CACNA1B: variants seen among roughly 807,000 people sequenced by gnomAD.
CACNA1B encodes the protein calcium voltage-gated channel subunit alpha1 B.
CACNA1B carries 70 observed loss-of-function variants against 247.2 expected under a neutral mutation model. The ratio of observed to expected loss-of-function variants is 0.28; its 90% confidence interval spans 0.23 to 0.35. The LOEUF is 0.35. CACNA1B is among the 10% of genes least tolerant of loss of function. CACNA1B has a pLI of 1.00. For missense variants in CACNA1B, 2,367 were observed against 3,197.4 expected, an observed-to-expected ratio of 0.74 and a Z score of 6.26; for synonymous variants, 1,231 against 1,294.4, an observed-to-expected ratio of 0.95 and a Z score of 1.05.
Position 138,057,672 on chromosome 9 carries a change from A to G in CACNA1B, c.3969-60A>G. 6.5e-7 allele frequency: 1 copy of G among 1,528,780 alleles called. No homozygotes were observed. The highest frequency in any genetic ancestry group is 1.2e-5 in the South Asian group (1 of 82,102). The allele number at this position is 1,528,780 out of a possible 1,614,324, so 94.7% of individuals were successfully genotyped here. On this transcript the variant is annotated intron_variant, in intron 26 of 46. Coordinates refer to ENST00000371372, the MANE Select transcript of CACNA1B (RefSeq NM_000718.4). This position sits in a 1 kb window ranked among gnomAD's most constrained non-coding sequence, Gnocchi z 4.0. ...ACGGAATGGTTTCAACACTCTTGAT[A>G]GGTGGGTTTATTTGGATCTTTTGTC...
rs1027475634 is a variant in CACNA1B, at chr9:138,072,399, G to T, written c.4675-1089G>T. Among the ~76,000 whole-genome samples the T allele has an allele frequency of 1.3e-5, 2 of 152,208 alleles. 1 individual carries two copies. Among genetic ancestry groups the T allele is most frequent in the Admixed American group, 1.3e-4 (2 of 15,288 alleles). On this transcript the variant is annotated intron_variant, in intron 32 of 46. Transcript: ENST00000371372. The surrounding 1 kb of genome is among the most constrained non-coding windows in gnomAD (Gnocchi z 4.5). ...CACCTAACGGTAGCCCTGGAGAGTC[G>T]GGATGCTCTGCCAGGCCCTCACCGC... is the stretch of plus-strand genomic sequence containing the variant.
chr9:138,097,158 T>G (rs1024818013), intron 37 of CACNA1B, among the ~76,000 whole-genome samples: 1 of 151,960 alleles, frequency 6.6e-6, no homozygotes, highest in Non-Finnish European at 1.5e-5. Flanking sequence ...ATAGTGTGGG[T>G]GCTTGGTGAA....
intron 15 of CACNA1B, among the ~76,000 whole-genome samples, chr9:138,002,773 CTCTTTTCTTTTCTTTTCTTTTT>C (rs1453696647): frequency 1.2e-3 from 186 of 151,652 alleles, no homozygotes; most frequent in African/African-American, 4.1e-3. Context: ...GAAATTTCTT[CTCTTTTCTTTTCTTTTCTTTTT>C]TCTTTTCTTT....
chr9:137,878,981 A>T (rs998729664), intron 1 of CACNA1B, 73 bp from the exon 2 acceptor site: 1 of 932,006 alleles, frequency 1.1e-6, no homozygotes, highest in East Asian at 2.6e-5. Flanking sequence ...TGGCTGCTGC[A>T]CTGGGCTCTG....
intron 6 of CACNA1B, among the ~76,000 whole-genome samples, chr9:137,924,393 C>T (rs1226172840): frequency 6.6e-6 from 1 of 151,324 alleles, no homozygotes; most frequent in African/African-American, 2.4e-5. Context: ...CCTTCCCTCC[C>T]TCCCTTCCTT....
At chr9:137,916,654 G>T (rs533559300) in intron 5 of CACNA1B, among the ~76,000 whole-genome samples, 1 of 152,368 alleles carries the variant, frequency 6.6e-6, no homozygotes, top group East Asian at 1.9e-4. Flanking sequence ...CTGGCCAAGG[G>T]CCTCAAGTTA....
At position 138,052,103 on chromosome 9, in the gene CACNA1B, G is replaced by T; in HGVS notation, c.3722G>T (p.Gly1241Val). 6.2e-7 allele frequency: 1 copy of T among 1,606,256 alleles called. No homozygotes were observed. The highest frequency in any genetic ancestry group is 1.1e-5 in the South Asian group (1 of 90,650). Residue 1241 changes from glycine (G) to valine (V), a missense_variant, in exon 25 of 47, where the codon GGG becomes GTG. Gly to Val is a moderately radical substitution (Grantham distance 109, BLOSUM62 -3). This residue lies in a region of CACNA1B where 436 missense variants were observed against 679.5 expected (regional missense o/e 0.64). Transcript: ENST00000371372. This position sits in a 1 kb window ranked among gnomAD's most constrained non-coding sequence, Gnocchi z 5.1. ...LVAFAFSGSK[G>V]KDINTIKSLR... ...CTTCTCCCTTCTAGAGGATCCAAAG[G>T]GAAAGACATCAATACCATCAAGTCT...
At position 138,058,224 on chromosome 9, in the gene CACNA1B, T is replaced by A; in HGVS notation, c.4282T>A (p.Ser1428Thr). ...CCAGGAGCAGGGGGACAAGGTGATGTCTGAATGCAGCCTGGAGAAGAACGA... is the reference window on the plus strand; with the variant it reads ...CCAGGAGCAGGGGGACAAGGTGATGACTGAATGCAGCCTGGAGAAGAACGA... ...TFQEQGDKVM[S>T]ECSLEKNERA... Residue 1428 changes from serine to threonine, a missense_variant, in exon 28 of 47, where the codon TCT (serine) becomes ACT (threonine). Physicochemically the swap from Ser to Thr is moderately conservative, Grantham distance 58. This residue lies in a region of CACNA1B where 436 missense variants were observed against 679.5 expected (regional missense o/e 0.64). Coordinates refer to ENST00000371372, the MANE Select transcript of CACNA1B (RefSeq NM_000718.4). The surrounding 1 kb of genome is among the most constrained non-coding windows in gnomAD (Gnocchi z 4.7). 1 of 1,613,868 alleles carries A rather than the reference T, an allele frequency of 6.2e-7. No homozygotes were observed. Among genetic ancestry groups the A allele is most frequent in the Middle Eastern group, 1.6e-4 (1 of 6,062 alleles).
At chr9:138,107,821 C>T (rs1961483814) in intron 39 of CACNA1B, among the ~76,000 whole-genome samples, 1 of 152,002 alleles carries the variant, frequency 6.6e-6, no homozygotes, top group Non-Finnish European at 1.5e-5. Flanking sequence ...CCCGTCTCTA[C>T]TAAAATACAA....
rs1959113151 is a variant in CACNA1B, at chr9:138,040,955, GTTT to G, written c.3287-2817_3287-2815del. ...AGAAAATGAATTAACAACGTTTTCA[GTTT>G]TCTCAAGGATGGAACATAGCTTGTA... is the stretch of plus-strand genomic sequence containing the variant. On this transcript the variant is annotated intron_variant, in intron 20 of 46. Coordinates refer to ENST00000371372, the MANE Select transcript of CACNA1B (RefSeq NM_000718.4). 2.0e-5 allele frequency among the ~76,000 whole-genome samples: 3 copies of G among 152,298 alleles called. No individual in the cohort carries two copies. In the South Asian group the frequency reaches 6.2e-4, roughly 32 times the overall value.
chr9:138,107,860 C>T (rs562990230), intron 39 of CACNA1B, among the ~76,000 whole-genome samples: 9 of 152,148 alleles, frequency 5.9e-5, no homozygotes, highest in Non-Finnish European at 1.2e-4. Flanking sequence ...TGGCGGGCGC[C>T]TGTAGTCCCA....
chr9:137,987,390 A>G (rs530769561), intron 15 of CACNA1B, among the ~76,000 whole-genome samples: 1 of 152,126 alleles, frequency 6.6e-6, no homozygotes, highest in Admixed American at 6.5e-5. Context: ...CCTTTCGAGG[A>G]CTTTCTTGGT....
chr9:138,099,208 G>T (rs1961160674), intron 37 of CACNA1B, among the ~76,000 whole-genome samples: 1 of 152,258 alleles, frequency 6.6e-6, no homozygotes, highest in African/African-American at 2.4e-5. Flanking sequence ...TGCACTCTGT[G>T]CATGTGTACA....
intron 37 of CACNA1B, among the ~76,000 whole-genome samples, chr9:138,101,604 G>A (rs577476645): frequency 6.6e-6 from 1 of 152,384 alleles, no homozygotes; most frequent in African/African-American, 2.4e-5. Context: ...CGTCCTCTGG[G>A]TTGGAAGAGC....
At chr9:137,890,478 C>T (rs1206329592) in intron 3 of CACNA1B, 1 of 150,226 alleles carries the variant, frequency 6.7e-6, no homozygotes, top group Non-Finnish European at 1.5e-5. Context: ...CTCATATGTC[C>T]CTGATATGGG....
At chr9:138,115,512 C>A (rs757523804) in intron 41 of CACNA1B, 40 bp from the exon 42 acceptor site, 2 of 1,597,842 alleles carry the variant, frequency 1.3e-6, no homozygotes, top group Non-Finnish European at 1.7e-6. Flanking sequence ...ACATTGCAGG[C>A]CCATTGGAGC....
Position 138,118,710 on chromosome 9 carries a change from C to A in CACNA1B, c.5972C>A (p.Pro1991His). Residue 1991 changes from proline (P) to histidine (H), a missense_variant, in exon 44 of 47, where the codon CCT becomes CAT. Coordinates refer to ENST00000371372, the MANE Select transcript of CACNA1B (RefSeq NM_000718.4). ...AGGGGCCCTGATGGGGAGCCCCAGC[C>A]TGGGCTGGAGAGCCAGGGTCGAGCG... The part of the protein sequence containing the change: ...TRRGPDGEPQ[P>H]GLESQGRAAS... The A allele has an allele frequency of 6.4e-7, 1 of 1,566,232 alleles. No individual in the cohort carries two copies. The highest frequency in any genetic ancestry group is 2.4e-5 in the East Asian group (1 of 42,404).
intron 39 of CACNA1B, among the ~76,000 whole-genome samples, chr9:138,107,393 C>CA (rs1961468699): frequency 6.6e-6 from 1 of 151,832 alleles, no homozygotes; most frequent in Non-Finnish European, 1.5e-5. Flanking sequence ...ATTGCAGGCA[C>CA]CACTCCTCCA....
In CACNA1B at chr9:137,971,338, G is replaced by T; in HGVS notation, c.1334-45G>T. The T allele has an allele frequency of 7.0e-7, 1 of 1,425,608 alleles. No homozygotes were observed. The highest frequency in any genetic ancestry group is 9.7e-7 in the Non-Finnish European group (1 of 1,027,136). The allele number at this position is 1,425,608 out of a possible 1,614,324, so 88.3% of individuals were successfully genotyped here. ...GGGGGTCCACAGGTGGGGTAGGCGGGTGCCCATTGGTCCCCACATCCTCAG... is the reference window on the plus strand; with the variant it reads ...GGGGGTCCACAGGTGGGGTAGGCGGTTGCCCATTGGTCCCCACATCCTCAG... On this transcript the variant is annotated intron_variant, in intron 10 of 46. Transcript: ENST00000371372. The surrounding 1 kb of genome is among the most constrained non-coding windows in gnomAD (Gnocchi z 4.4).
Sources: gnomAD v4.1 joint callset for allele counts (sites outside exome capture counted in the v4.1 genomes callset) on GRCh38, gnomAD v4.1.1 for gene constraint, gnomAD v4.1.1 regional missense constraint, Gnocchi (gnomAD v3.1) non-coding constraint, MANE v1.5 for transcripts, NCBI Gene and HGNC (gene_info 2026-07-23, HGNC 2026-07-21) for gene names.